GHR: variants seen among roughly 807,000 people sequenced by gnomAD.
GHR encodes the protein GH receptor.
A neutral mutation model predicts 67.1 loss-of-function variants in GHR; 35 were observed. The observed-to-expected ratio is 0.52, with a 90% CI of 0.40 to 0.69. The LOEUF is 0.69. Among genes scored for constraint, GHR ranks in the 30% least tolerant of loss-of-function variants. The probability of loss-of-function intolerance (pLI) is 0.00; values close to 1 mark genes in which losing one functional copy is unlikely to be tolerated. For synonymous variants in GHR, 272 were observed against 269.1 expected, an observed-to-expected ratio of 1.01 and a Z score of -0.10; for missense variants, 792 against 764.6, an observed-to-expected ratio of 1.04 and a Z score of -0.42.
At chr5:42,470,703 A>C (rs1744976488) in intron 1 of GHR, among the ~76,000 whole-genome samples, 1 of 152,184 alleles carries the variant, frequency 6.6e-6, no homozygotes, top group Non-Finnish European at 1.5e-5. Context: ...CACTGTAAGG[A>C]TCTTGCTTTC....
chr5:42,684,932 T>C (rs1366787828), intron 3 of GHR, among the ~76,000 whole-genome samples: 20 of 152,104 alleles, frequency 1.3e-4, no homozygotes. Context: ...TTACCCTGCT[T>C]ATTTTTCTTT....
chr5:42,677,449 G>A (rs1756625369), intron 3 of GHR, among the ~76,000 whole-genome samples: 1 of 152,092 alleles, frequency 6.6e-6, no homozygotes, highest in Admixed American at 6.6e-5. Flanking sequence ...CAAAGGCTCT[G>A]CTTGGATTTT....
chr5:42,610,623 G>C (rs1306111829), intron 2 of GHR, among the ~76,000 whole-genome samples: 1 of 151,670 alleles, frequency 6.6e-6, no homozygotes, highest in African/African-American at 2.4e-5. Context: ...AGCTGCAGAA[G>C]GCTGGAAGAG....
Position 42,565,479 on chromosome 5 carries a change from C to G in GHR, c.-11-385C>G, listed in dbSNP as rs538017767. 2.1e-4 allele frequency: 203 copies of G among 985,108 alleles called. 1 individual carries two copies. In the African/African-American group the frequency reaches 3.3e-3, roughly 16 times the overall value. 61.0% of individuals were successfully genotyped at this position (985,108 alleles called of 1,614,324 possible). A position where few individuals can be genotyped will look rare whatever the true frequency, so the allele number is the denominator to read the frequency against. On this transcript the variant is annotated intron_variant, in intron 1 of 9. Coordinates refer to ENST00000230882, the MANE Select transcript of GHR (RefSeq NM_000163.5). ...TTTATGGCCTGTCCAGCTCAAGGCC[C>G]CATGCTTTCTGATACTGCTGATAAG...
At chr5:42,709,876 G>A (rs561709377) in intron 6 of GHR, among the ~76,000 whole-genome samples, 12 of 152,184 alleles carry the variant, frequency 7.9e-5, no homozygotes, top group African/African-American at 2.2e-4. Flanking sequence ...GGAGCCACTC[G>A]AAATCTGAGT....
At chr5:42,592,691 C>A (rs1028916894) in intron 2 of GHR, among the ~76,000 whole-genome samples, 1 of 152,074 alleles carries the variant, frequency 6.6e-6, no homozygotes, top group African/African-American at 2.4e-5. Flanking sequence ...TATCCTGTGT[C>A]TTTGTTATTG....
At chr5:42,682,177 C>T (rs1430493111) in intron 3 of GHR, among the ~76,000 whole-genome samples, 3 of 152,150 alleles carry the variant, frequency 2.0e-5, no homozygotes, top group Non-Finnish European at 4.4e-5. Context: ...GAGCAGAAAA[C>T]CAAACACCAC....
chr5:42,576,120 AAATAAAATAAAATAAAATAAAAT>A (rs1561135947), intron 2 of GHR, among the ~76,000 whole-genome samples: 8,937 of 98,274 alleles, frequency 0.091, 405 homozygotes, highest in African/African-American at 0.12. Context: ...AAATAAAATA[AAATAAAATAAAATAAAATAAAAT>A]AGTAAAGTAA....
At chr5:42,540,766 A>G (rs1266435657) in intron 1 of GHR, among the ~76,000 whole-genome samples, 5 of 151,884 alleles carry the variant, frequency 3.3e-5, no homozygotes, top group Non-Finnish European at 7.4e-5. Flanking sequence ...ACCACAAACT[A>G]CATTGCCCAT....
At chr5:42,454,431 G>A (rs1049073624) in intron 1 of GHR, among the ~76,000 whole-genome samples, 1 of 152,164 alleles carries the variant, frequency 6.6e-6, no homozygotes, top group Non-Finnish European at 1.5e-5. Context: ...GCCAGGAGGT[G>A]GTGTCTTTTG....
intron 1 of GHR, among the ~76,000 whole-genome samples, chr5:42,511,391 C>G (rs1414332284): frequency 3.3e-5 from 5 of 152,162 alleles, no homozygotes; most frequent in Non-Finnish European, 7.3e-5. Context: ...TTGGCTGAAC[C>G]ACATCCATAA....
chr5:42,476,230 T>C (rs1442652262), intron 1 of GHR, among the ~76,000 whole-genome samples: 1 of 149,714 alleles, frequency 6.7e-6, no homozygotes, highest in Non-Finnish European at 1.5e-5. Flanking sequence ...TTTTTGTTTT[T>C]GTTTTTTTGA....
chr5:42,459,249 C>T (rs1744386296), intron 1 of GHR, among the ~76,000 whole-genome samples: 1 of 152,112 alleles, frequency 6.6e-6, no homozygotes, highest in Non-Finnish European at 1.5e-5. Context: ...ATAACAAAGA[C>T]ATGGAACCAA....
intron 1 of GHR, among the ~76,000 whole-genome samples, chr5:42,445,922 T>C (rs903759207): frequency 1.3e-5 from 2 of 152,214 alleles, no homozygotes; most frequent in African/African-American, 4.8e-5. Flanking sequence ...AATATGGCAG[T>C]TGAAGCCAAA....
At position 42,721,455 on chromosome 5, in the gene GHR, T is replaced by C. The variant is rs1161626806; in HGVS notation, c.*2031T>C. 6.6e-6 allele frequency: 1 copy of C among 152,468 alleles called. No homozygotes were observed. The highest frequency in any genetic ancestry group is 2.4e-5 in the African/African-American group (1 of 41,462). 9.4% of individuals were successfully genotyped at this position (152,468 alleles called of 1,614,324 possible). A position where few individuals can be genotyped will look rare whatever the true frequency, so the allele number is the denominator to read the frequency against. ...CAGGAAGGACTATGAAAAGCTAGAA[T>C]TGAGTGTTTAAAGTTCAACATGTTA... is the stretch of plus-strand genomic sequence containing the variant. On this transcript the variant is annotated 3_prime_UTR_variant, in exon 10 of 10. Transcript: ENST00000230882.
intron 3 of GHR, among the ~76,000 whole-genome samples, chr5:42,665,478 G>C (rs12520797): frequency 0.83 from 125,638 of 151,584 alleles, 52,319 homozygotes; most frequent in East Asian, 1. Flanking sequence ...TCATCATTCT[G>C]AGTAAACTAT....
intron 1 of GHR, among the ~76,000 whole-genome samples, chr5:42,438,039 AT>A (rs1205637576): frequency 6.6e-6 from 1 of 152,192 alleles, no homozygotes; most frequent in Non-Finnish European, 1.5e-5. Context: ...TAACTGCTAG[AT>A]TATAAACTCT....
chr5:42,702,986 T>G (rs183036894), intron 6 of GHR, among the ~76,000 whole-genome samples: 2 of 152,186 alleles, frequency 1.3e-5, no homozygotes, highest in East Asian at 3.9e-4. Context: ...TATGCAAATA[T>G]TGTCTCCCAT....
intron 2 of GHR, among the ~76,000 whole-genome samples, chr5:42,614,766 T>A (rs1037794221): frequency 6.6e-6 from 1 of 152,042 alleles, no homozygotes; most frequent in Admixed American, 6.6e-5. Context: ...TAATTTGCAT[T>A]TTGTTCCTGC....
Sources: gnomAD v4.1 joint callset for allele counts (sites outside exome capture counted in the v4.1 genomes callset) on GRCh38, gnomAD v4.1.1 for gene constraint, MANE v1.5 for transcripts, NCBI Gene and HGNC (gene_info 2026-07-23, HGNC 2026-07-21) for gene names.